C6: variants seen among roughly 807,000 people sequenced by gnomAD.
The protein encoded by C6 is complement component C6.
Under a neutral mutation model 112.9 loss-of-function variants are expected in C6, and 101 were observed. The observed-to-expected ratio is 0.89, with a 90% CI of 0.76 to 1.06. The LOEUF (loss-of-function observed/expected upper bound fraction) is 1.06. C6 is among the 50% of genes least tolerant of loss of function. C6 has a pLI of 0.00. For missense variants in C6, 1,202 were observed against 1,104.6 expected (o/e 1.09, Z -1.25); for synonymous variants, 431 against 384.1 (o/e 1.12, Z -1.43).
chr5:41,254,423 G>A (rs1249978638), intron 1 of C6, among the ~76,000 whole-genome samples: 1 of 151,986 alleles, frequency 6.6e-6, no homozygotes, highest in East Asian at 1.9e-4. Flanking sequence ...GAAAGAGAAA[G>A]AATAGTTTTA....
rs186436377 is a variant in C6, at chr5:41,258,111, T to C, written c.-21+3083A>G. 6.6e-4 allele frequency among the ~76,000 whole-genome samples: 100 copies of C among 152,272 alleles called. 2 individuals are homozygous for C. The highest frequency in any genetic ancestry group is 2.3e-3 in the African/African-American group (94 of 41,578). ...ACAAGCAAAAATTAAATTGCTTTAA[T>C]TTTTCTTATTATTCTATAATAACAT... On this transcript the variant is annotated intron_variant, in intron 1 of 17. Transcript: ENST00000263413.
At chr5:41,213,571 G>A, upstream of C6, 1 of 985,156 alleles carries the variant, frequency 1.0e-6, no homozygotes, top group Non-Finnish European at 1.2e-6. Context: ...ATGTTCTCTG[G>A]AACTTGAACT....
At chr5:41,203,064 A>G in intron 2 of C6, 24 bp downstream of exon 2, 1 of 1,613,298 alleles carries the variant, frequency 6.2e-7, no homozygotes. Context: ...GGACACAAAG[A>G]AAAGCCACAA....
At chr5:41,188,013 G>T (rs1189026146) in intron 5 of C6, among the ~76,000 whole-genome samples, 1 of 151,988 alleles carries the variant, frequency 6.6e-6, no homozygotes, top group Non-Finnish European at 1.5e-5. Context: ...TAAAATTACA[G>T]AAACAATTCC....
chr5:41,167,663 A>T (rs1748093243), intron 9 of C6, among the ~76,000 whole-genome samples: 1 of 152,186 alleles, frequency 6.6e-6, no homozygotes, highest in Non-Finnish European at 1.5e-5. Flanking sequence ...ATACTAACTT[A>T]TCATAACATA....
upstream of C6, among the ~76,000 whole-genome samples, chr5:41,218,110 A>G (rs1469677576): frequency 6.6e-6 from 1 of 152,168 alleles, no homozygotes; most frequent in Non-Finnish European, 1.5e-5. Flanking sequence ...CTTAAGATAC[A>G]AAGATGAATA....
chr5:41,223,042 G>C (rs1473193602), intron 1 of C6, among the ~76,000 whole-genome samples: 1 of 152,112 alleles, frequency 6.6e-6, no homozygotes, highest in Non-Finnish European at 1.5e-5. Flanking sequence ...TTTGATCACA[G>C]ATCTAAATTA....
At chr5:41,183,617 A>G (rs1561139883) in intron 6 of C6, among the ~76,000 whole-genome samples, 4 of 152,222 alleles carry the variant, frequency 2.6e-5, no homozygotes, top group Admixed American at 6.5e-5. Context: ...TGACCCAGCA[A>G]TCTCATTCCT....
At chr5:41,242,368 C>T (rs137905361) in intron 1 of C6, among the ~76,000 whole-genome samples, 1,885 of 152,246 alleles carry the variant, frequency 0.012, 43 homozygotes, top group African/African-American at 0.043. Flanking sequence ...AGGTGCCTGC[C>T]TCTCCTTTGC....
chr5:41,199,527 T>C (rs6451569), intron 4 of C6, among the ~76,000 whole-genome samples: 91,042 of 151,634 alleles, frequency 0.6, 27,364 homozygotes, highest in Non-Finnish European at 0.64. Flanking sequence ...GTCATTTCTT[T>C]TAAAATTATC....
chr5:41,256,408 C>A (rs12521608), intron 1 of C6, among the ~76,000 whole-genome samples: 25,177 of 143,902 alleles, frequency 0.17, 2,303 homozygotes, highest in Admixed American at 0.26. Flanking sequence ...TGCACATATA[C>A]CCTAAAACTT....
chr5:41,204,502 C>T (rs182698590), intron 1 of C6, among the ~76,000 whole-genome samples: 38 of 152,108 alleles, frequency 2.5e-4, no homozygotes, highest in African/African-American at 8.7e-4. Flanking sequence ...GATTAGTTTA[C>T]GTTTCTTAGT....
At chr5:41,158,494 A>G (rs1357709789) in intron 13 of C6, among the ~76,000 whole-genome samples, 180 bp downstream of exon 13, 1 of 152,204 alleles carries the variant, frequency 6.6e-6, no homozygotes, top group African/African-American at 2.4e-5. Context: ...ACTGGCTATG[A>G]AGACATCTCT....
chr5:41,144,227 G>C (rs1745603518), intron 17 of C6, among the ~76,000 whole-genome samples: 1 of 152,078 alleles, frequency 6.6e-6, no homozygotes, highest in Non-Finnish European at 1.5e-5. Flanking sequence ...CCTCAATGAA[G>C]CATTTCATAG....
chr5:41,181,476 T>A lies in C6; in HGVS notation c.810A>T (p.Ser270=), dbSNP rs61734263. The A allele has an allele frequency of 0.013, 21,382 of 1,613,736 alleles. 169 individuals carry two copies. The highest frequency in any genetic ancestry group is 0.015 in the Non-Finnish European group (18,163 of 1,179,754). Reference sequence around the variant, plus strand: ...AAGAGCTCCCCCCCTGACTTGAGAATGAGCCTTGTTGATTTTCATTGTGTC... The same window carrying A: ...AAGAGCTCCCCCCCTGACTTGAGAAAGAGCCTTGTTGATTTTCATTGTGTC... ...SLGHNENQQG[S]FSSQGGSSFS... Residue 270 remains serine (S), a synonymous_variant, in exon 7 of 18, where the codon TCA becomes TCT. Coordinates refer to ENST00000337836, the MANE Select transcript of C6 (RefSeq NM_000065.5).
intron 5 of C6, 32 bp from the exon 6 acceptor site, chr5:41,186,240 A>C: frequency 6.2e-7 from 1 of 1,611,600 alleles, no homozygotes; most frequent in Non-Finnish European, 8.5e-7. Flanking sequence ...GGAATTCAAC[A>C]GATGTAGAAC....
chr5:41,215,816 ATTTTC>A (rs1187785845), upstream of C6, among the ~76,000 whole-genome samples: 2 of 152,140 alleles, frequency 1.3e-5, no homozygotes, highest in Non-Finnish European at 2.9e-5. Flanking sequence ...GCCAAATGGT[ATTTTC>A]TGCCAAGAAA....
intron 1 of C6, among the ~76,000 whole-genome samples, chr5:41,242,248 C>T (rs1740757809): frequency 6.6e-6 from 1 of 152,058 alleles, no homozygotes; most frequent in Non-Finnish European, 1.5e-5. Context: ...GGGGCGGTTT[C>T]CCCCATCGTG....
chr5:41,230,631 C>T (rs1739836711), intron 1 of C6, among the ~76,000 whole-genome samples: 1 of 152,098 alleles, frequency 6.6e-6, no homozygotes, highest in Non-Finnish European at 1.5e-5. Context: ...TCTAATTTTG[C>T]CTTTGCCTTT....
Sources: allele counts gnomAD v4.1 joint callset (sites outside exome capture counted in the v4.1 genomes callset), GRCh38; gene constraint gnomAD v4.1.1; transcripts MANE v1.5; gene names NCBI Gene and HGNC (gene_info 2026-07-23, HGNC 2026-07-21).